SLC25A13: variants seen among roughly 807,000 people sequenced by gnomAD.
SLC25A13 encodes the protein solute carrier family 25 member 13, also known as electrogenic aspartate/glutamate antiporter SLC25A13, mitochondrial.
SLC25A13 carries 70 observed loss-of-function variants against 85.5 expected under a neutral mutation model. That is an observed-to-expected ratio of 0.82 (90% confidence interval 0.68 to 1.00). The LOEUF (loss-of-function observed/expected upper bound fraction) is 1.00. Ranked by LOEUF, SLC25A13 falls within the 50% of genes least tolerant of loss-of-function variation. SLC25A13 has a pLI of 0.00. For synonymous variants in SLC25A13, 259 were observed against 288.7 expected (o/e 0.90, Z 1.04); for missense variants, 765 against 819.8 (o/e 0.93, Z 0.82).
chr7:96,219,109 G>A (rs1159189026), intron 4 of SLC25A13, among the ~76,000 whole-genome samples: 1 of 152,034 alleles, frequency 6.6e-6, no homozygotes, highest in Admixed American at 6.5e-5. Context: ...CACAGCTAAG[G>A]GTCTGAAGAG....
intron 14 of SLC25A13, among the ~76,000 whole-genome samples, chr7:96,139,222 C>T (rs1055063659): frequency 2.6e-5 from 4 of 152,068 alleles, no homozygotes; most frequent in African/African-American, 4.8e-5. Context: ...GGGGAAGTTT[C>T]GTAAAAAGAA....
At chr7:96,140,196 G>T (rs1792471712) in intron 14 of SLC25A13, among the ~76,000 whole-genome samples, 1 of 150,856 alleles carries the variant, frequency 6.6e-6, no homozygotes, top group Non-Finnish European at 1.5e-5. Flanking sequence ...CTGACCTCGT[G>T]ATCCGCCCGC....
intron 15 of SLC25A13, among the ~76,000 whole-genome samples, chr7:96,128,671 T>C (rs745815813): frequency 9.2e-5 from 14 of 151,686 alleles, no homozygotes; most frequent in African/African-American, 7.3e-5. Flanking sequence ...GATGGCTTGA[T>C]GGGTGCAGCA....
chr7:96,203,790 C>A (rs1386325030), intron 5 of SLC25A13, among the ~76,000 whole-genome samples: 2 of 152,120 alleles, frequency 1.3e-5, no homozygotes, highest in Non-Finnish European at 2.9e-5. Context: ...AATGACAGTA[C>A]AATGCACCCC....
rs753411740 is a variant in SLC25A13 at position 96,146,585 on chromosome 7, G to T, written c.1423C>A (p.Arg475=). 1.2e-6 allele frequency: 2 copies of T among 1,612,702 alleles called. No individual in the cohort carries two copies. Among genetic ancestry groups the T allele is most frequent in the East Asian group, 4.5e-5 (2 of 44,828 alleles). ...GPRVSALSVV[R]DLGFFGIYKG... Reference sequence around the variant, plus strand: ...TAGATCCCAAAAAACCCCAGGTCCCGCACGACAGACAGAGCACTGACTCGA... The same window carrying T: ...TAGATCCCAAAAAACCCCAGGTCCCTCACGACAGACAGAGCACTGACTCGA... Residue 475 remains arginine (R), a synonymous_variant, in exon 14 of 18, where the codon CGG becomes AGG. Transcript: ENST00000265631.
intron 3 of SLC25A13, among the ~76,000 whole-genome samples, chr7:96,240,205 A>G (rs1376532186): frequency 6.6e-6 from 1 of 152,190 alleles, no homozygotes; most frequent in Admixed American, 6.5e-5. Context: ...AGAGAACTGG[A>G]AATAAATGAC....
At position 96,261,959 on chromosome 7, in the gene SLC25A13, T is replaced by A. The variant is rs113200792; in HGVS notation, c.212+15237A>T. On this transcript the variant is annotated intron_variant, in intron 3 of 17. Transcript: ENST00000265631. Reference sequence around the variant, plus strand: ...AAAGAACCCACTCCCACATACCACATGCCTGCGATAAAAGCATTAATATGT... The same window carrying A: ...AAAGAACCCACTCCCACATACCACAAGCCTGCGATAAAAGCATTAATATGT... Among the ~76,000 whole-genome samples the A allele has an allele frequency of 3.2e-3, 485 of 152,288 alleles. 1 individual carries two copies. Among genetic ancestry groups the A allele is most frequent in the African/African-American group, 0.011 (454 of 41,558 alleles).
At chr7:96,157,604 G>A (rs1372102946) in intron 13 of SLC25A13, among the ~76,000 whole-genome samples, 2 of 152,204 alleles carry the variant, frequency 1.3e-5, no homozygotes, top group Non-Finnish European at 2.9e-5. Flanking sequence ...AGGAAATGGA[G>A]ACCAGCCTGG....
At chr7:96,306,693 C>A in intron 1 of SLC25A13, 1 of 815,288 alleles carries the variant, frequency 1.2e-6, no homozygotes, top group Non-Finnish European at 1.9e-6. Context: ...GTACAGCAGC[C>A]AAACGGTGAG....
At chr7:96,135,431 A>T (rs1289736405) in intron 14 of SLC25A13, among the ~76,000 whole-genome samples, 1 of 152,212 alleles carries the variant, frequency 6.6e-6, no homozygotes, top group African/African-American at 2.4e-5. Flanking sequence ...TTAGGCATAA[A>T]GGCAGGTGCC....
intron 14 of SLC25A13, among the ~76,000 whole-genome samples, chr7:96,136,016 A>G (rs1792271737): frequency 6.6e-6 from 1 of 152,102 alleles, no homozygotes; most frequent in African/African-American, 2.4e-5. Context: ...ATGATAAACT[A>G]TTGGGTTTTT....
intron 4 of SLC25A13, among the ~76,000 whole-genome samples, chr7:96,223,712 C>T (rs1216031462): frequency 2.0e-5 from 3 of 150,680 alleles, no homozygotes; most frequent in African/African-American, 4.9e-5. Context: ...TGCTTGAACC[C>T]GGGAAGCAGA....
At chr7:96,296,440 G>A (rs760973119) in intron 2 of SLC25A13, among the ~76,000 whole-genome samples, 1 of 151,246 alleles carries the variant, frequency 6.6e-6, no homozygotes, top group African/African-American at 2.4e-5. Flanking sequence ...AAAAGCAGAC[G>A]TATTTGTAAG....
At chr7:96,293,603 T>C (rs1405492683) in intron 2 of SLC25A13, among the ~76,000 whole-genome samples, 1 of 151,894 alleles carries the variant, frequency 6.6e-6, no homozygotes, top group Non-Finnish European at 1.5e-5. Flanking sequence ...AACAACCCCA[T>C]CAAAAAGTGG....
chr7:96,228,023 C>A (rs927220524), intron 4 of SLC25A13, among the ~76,000 whole-genome samples: 3 of 152,110 alleles, frequency 2.0e-5, no homozygotes, highest in Non-Finnish European at 2.9e-5. Flanking sequence ...GCCACCACAC[C>A]CAGCTCATTT....
chr7:96,161,489 A>G (rs1423217187), intron 13 of SLC25A13, among the ~76,000 whole-genome samples: 1 of 152,174 alleles, frequency 6.6e-6, no homozygotes, highest in East Asian at 1.9e-4. Flanking sequence ...TATTCATTCA[A>G]CAGATTTTTT....
intron 2 of SLC25A13, among the ~76,000 whole-genome samples, chr7:96,286,551 A>G (rs1162459574): frequency 6.6e-6 from 1 of 152,120 alleles, no homozygotes; most frequent in African/African-American, 2.4e-5. Context: ...CCATAACTTA[A>G]TGACTCTCCA....
At chr7:96,158,913 T>C (rs537797791) in intron 13 of SLC25A13, among the ~76,000 whole-genome samples, 9 of 152,320 alleles carry the variant, frequency 5.9e-5, no homozygotes, top group African/African-American at 2.2e-4. Flanking sequence ...CAATGTTAAA[T>C]AGAGACATGA....
chr7:96,167,992 C>A (rs549868001), intron 13 of SLC25A13, among the ~76,000 whole-genome samples: 12 of 145,388 alleles, frequency 8.3e-5, no homozygotes, highest in Non-Finnish European at 1.4e-4. Context: ...CCCAGCTACT[C>A]GGGAGGCTGA....
Sources: gnomAD v4.1 joint callset for allele counts (sites outside exome capture counted in the v4.1 genomes callset) on GRCh38, gnomAD v4.1.1 for gene constraint, MANE v1.5 for transcripts, NCBI Gene and HGNC (gene_info 2026-07-23, HGNC 2026-07-21) for gene names.